LGSN: variants seen among roughly 807,000 people sequenced by gnomAD.
The protein encoded by LGSN is lengsin.
In LGSN, 21 loss-of-function variants were observed where a neutral mutation model predicts 19.5. That is an observed-to-expected ratio of 1.07 (90% confidence interval 0.76 to 1.55). The LOEUF is 1.55. Among genes scored for constraint, LGSN ranks in the 40% most tolerant of loss-of-function variants. The pLI, the probability that LGSN is intolerant of heterozygous loss-of-function variation, is 0.00. For missense variants in LGSN, 673 were observed against 608.5 expected (o/e 1.11, Z -1.12); for synonymous variants, 257 against 215.6 (o/e 1.19, Z -1.68).
At chr6:63,332,440 G>A in the LGSN span, among the ~76,000 whole-genome samples, 3 of 152,044 alleles carry the variant, frequency 2.0e-5, no homozygotes, top group Non-Finnish European at 4.4e-5. Context: ...GCTCATGGCC[G>A]CAGGGTCAAC....
At chr6:63,343,331 G>A in the LGSN span, among the ~76,000 whole-genome samples, 1 of 152,124 alleles carries the variant, frequency 6.6e-6, no homozygotes, top group African/African-American at 2.4e-5. Context: ...GATATGATCT[G>A]CCATTTAAGA....
chr6:63,491,912 C>A, the LGSN span, among the ~76,000 whole-genome samples: 1 of 152,122 alleles, frequency 6.6e-6, no homozygotes, highest in South Asian at 2.1e-4. Context: ...GCCTGTAATC[C>A]CATCTACTCG....
the LGSN span, chr6:63,549,309 C>A: frequency 1.3e-6 from 1 of 753,418 alleles, no homozygotes; most frequent in South Asian, 1.4e-5. Flanking sequence ...GAGGATGGCT[C>A]TCTGCCGCTG....
chr6:63,367,708 T>C, the LGSN span, among the ~76,000 whole-genome samples: 1 of 144,690 alleles, frequency 6.9e-6, no homozygotes, highest in Admixed American at 6.7e-5. Context: ...CCAACAATGA[T>C]AGAGTGGATT....
chr6:63,515,344 G>C, the LGSN span, among the ~76,000 whole-genome samples: 1 of 152,138 alleles, frequency 6.6e-6, no homozygotes, highest in African/African-American at 2.4e-5. Flanking sequence ...CAATTCTCCT[G>C]CCTCAGCTTC....
At chr6:63,496,020 G>A in the LGSN span, among the ~76,000 whole-genome samples, 5,715 of 151,312 alleles carry the variant, frequency 0.038, 369 homozygotes, top group African/African-American at 0.13. Context: ...TCTGCCTCCC[G>A]GGTTCAAGCA....
the LGSN span, among the ~76,000 whole-genome samples, chr6:63,366,661 G>T: frequency 3.9e-5 from 6 of 152,104 alleles, no homozygotes; most frequent in Non-Finnish European, 7.3e-5. Context: ...AACAAAGCTG[G>T]AGGCATCATG....
At chr6:63,425,885 TAGTTATATTATATATGTGTATATACTC>T in the LGSN span, among the ~76,000 whole-genome samples, 1 of 152,094 alleles carries the variant, frequency 6.6e-6, no homozygotes, top group Non-Finnish European at 1.5e-5. Flanking sequence ...ATTATATAAA[TAGTTATATTATATATGTGTATATACTC>T]AGTTATATTA....
the LGSN span, among the ~76,000 whole-genome samples, chr6:63,362,406 A>G: frequency 6.6e-6 from 1 of 152,294 alleles, no homozygotes; most frequent in East Asian, 1.9e-4. Flanking sequence ...GCATCGCCTC[A>G]CTCCAGAAGT....
At chr6:63,300,052 G>A (rs1001027922) in intron 1 of LGSN, among the ~76,000 whole-genome samples, 6 of 152,126 alleles carry the variant, frequency 3.9e-5, no homozygotes, top group Non-Finnish European at 5.9e-5. Context: ...GCCTGGAGAG[G>A]TGGTCATGGT....
upstream of LGSN, among the ~76,000 whole-genome samples, chr6:63,321,228 A>T (rs894246786): frequency 1.3e-5 from 2 of 152,192 alleles, no homozygotes; most frequent in African/African-American, 2.4e-5. Flanking sequence ...CTCTTCTGAG[A>T]CCACATTTGC....
At chr6:63,441,844 G>T in the LGSN span, 1 of 296,960 alleles carries the variant, frequency 3.4e-6, no homozygotes, top group Non-Finnish European at 6.5e-6. Flanking sequence ...CGGGGGCGCT[G>T]GTTGCTTGTC....
the LGSN span, among the ~76,000 whole-genome samples, chr6:63,545,671 G>A: frequency 0.044 from 6,688 of 151,786 alleles, 337 homozygotes; most frequent in African/African-American, 0.13. Flanking sequence ...TCCTGCCCCA[G>A]CCCTGGAACA....
the LGSN span, among the ~76,000 whole-genome samples, chr6:63,510,967 TC>T: frequency 6.6e-6 from 1 of 150,892 alleles, no homozygotes; most frequent in Admixed American, 6.6e-5. Context: ...GAGCCACCGC[TC>T]CCGGTCAAGA....
At chr6:63,364,513 A>G in the LGSN span, among the ~76,000 whole-genome samples, 1 of 152,184 alleles carries the variant, frequency 6.6e-6, no homozygotes, top group Non-Finnish European at 1.5e-5. Context: ...CACTGTCAAC[A>G]TTAGAGAGAT....
At chr6:63,412,675 AAGAAAGAAAGAAAG>A in the LGSN span, among the ~76,000 whole-genome samples, 680 of 136,662 alleles carry the variant, frequency 5.0e-3, 5 homozygotes, top group Non-Finnish European at 7.6e-3. Flanking sequence ...GAAGGAAAGG[AAGAAAGAAAGAAAG>A]AGAAAGAAAG....
At chr6:63,309,294 T>C (rs1768533005) in intron 1 of LGSN, among the ~76,000 whole-genome samples, 1 of 152,030 alleles carries the variant, frequency 6.6e-6, no homozygotes, top group Non-Finnish European at 1.5e-5. Context: ...TAGCCGGGTG[T>C]GGTAGCGGGT....
chr6:63,471,140 T>G, the LGSN span, among the ~76,000 whole-genome samples: 17 of 151,500 alleles, frequency 1.1e-4, no homozygotes, highest in East Asian at 4.0e-4. Flanking sequence ...GGTTGTTTTT[T>G]TTTGTTTGTT....
the LGSN span, among the ~76,000 whole-genome samples, chr6:63,366,601 T>C: frequency 2.0e-5 from 3 of 152,144 alleles, no homozygotes; most frequent in Non-Finnish European, 4.4e-5. Flanking sequence ...TTAAAGTTCA[T>C]ATGGAACCAA....
Sources: allele counts gnomAD v4.1 joint callset (sites outside exome capture counted in the v4.1 genomes callset), GRCh38; gene constraint gnomAD v4.1.1; transcripts MANE v1.5; gene names NCBI Gene and HGNC (gene_info 2026-07-23, HGNC 2026-07-21).